Variants in SYN3 observed in about 807,000 individuals in gnomAD.
SYN3 encodes synapsin III, also known as synapsin-3.
SYN3 carries 35 observed loss-of-function variants against 65.8 expected under a neutral mutation model. That is an observed-to-expected ratio of 0.53 (90% confidence interval 0.41 to 0.70). The LOEUF (loss-of-function observed/expected upper bound fraction) is 0.70, where lower values mean the gene tolerates loss of function less well. Among genes scored for constraint, SYN3 ranks in the 30% least tolerant of loss-of-function variants. The probability of loss-of-function intolerance (pLI) is 0.00; values close to 1 mark genes in which losing one functional copy is unlikely to be tolerated. For missense variants in SYN3, 680 were observed against 749.0 expected, an observed-to-expected ratio of 0.91 and a Z score of 1.08; for synonymous variants, 270 against 292.9, an observed-to-expected ratio of 0.92 and a Z score of 0.80.
At chr22:32,568,543 G>C (rs2058703320) in intron 7 of SYN3, among the ~76,000 whole-genome samples, 1 of 152,170 alleles carries the variant, frequency 6.6e-6, no homozygotes, top group African/African-American at 2.4e-5. Flanking sequence ...GAAGTCCAAG[G>C]TCAAGGTGGA....
rs67627471 is a variant in SYN3, at chr22:32,531,806, GAA to G, written c.1095+1985_1095+1986del. Among the ~76,000 whole-genome samples, 136 of 150,240 alleles carry G rather than the reference GAA, an allele frequency of 9.1e-4. 1 individual carries two copies. The highest frequency in any genetic ancestry group is 2.5e-3 in the African/African-American group (103 of 40,702). On this transcript the variant is annotated intron_variant, in intron 10 of 13. Coordinates refer to ENST00000358763, the MANE Select transcript of SYN3 (RefSeq NM_003490.4). ...AACAACTCTGCAATGTTTCTGCGAGGAAAAAAAAAATCTGAAAAGCTATCTTT... is the reference window on the plus strand; with the variant it reads ...AACAACTCTGCAATGTTTCTGCGAGGAAAAAAAATCTGAAAAGCTATCTTT...
intron 6 of SYN3, among the ~76,000 whole-genome samples, chr22:32,634,756 C>T (rs1458390986): frequency 1.3e-5 from 2 of 152,190 alleles, no homozygotes; most frequent in Non-Finnish European, 2.9e-5. Context: ...CTTCCAGGCC[C>T]TTTCAGTGCT....
rs117844331 is a variant in SYN3, at chr22:32,518,879, T to C, written c.1319-545A>G. 6.7e-4 allele frequency among the ~76,000 whole-genome samples: 102 copies of C among 152,270 alleles called. 1 individual carries two copies. In the East Asian group the frequency reaches 0.018, roughly 27 times the overall value. ...CCCTCAATGCAATTCTATTTGGAGA[T>C]AGGATCTTTAAAGAGGTAATTAAAG... On this transcript the variant is annotated intron_variant, in intron 12 of 13. Coordinates refer to ENST00000358763, the MANE Select transcript of SYN3 (RefSeq NM_003490.4).
chr22:32,582,295 G>A (rs1475948868), intron 7 of SYN3, among the ~76,000 whole-genome samples: 1 of 151,730 alleles, frequency 6.6e-6, no homozygotes, highest in Non-Finnish European at 1.5e-5. Context: ...AATCACCTGT[G>A]CATTTTGTTA....
intron 6 of SYN3, among the ~76,000 whole-genome samples, chr22:32,847,584 A>T (rs572627932): frequency 6.6e-6 from 1 of 152,296 alleles, no homozygotes; most frequent in Non-Finnish European, 1.5e-5. Context: ...ATGGATGAGG[A>T]ATCAGTTCTT....
chr22:32,724,047 A>G (rs1288756719), intron 6 of SYN3, among the ~76,000 whole-genome samples: 1 of 152,208 alleles, frequency 6.6e-6, no homozygotes, highest in Non-Finnish European at 1.5e-5. Flanking sequence ...GCTCCTTTCT[A>G]TGCAAGCCCC....
rs186448623 is a variant in SYN3 at position 32,925,029 on chromosome 22, C to T, written c.461+6361G>A. Among the ~76,000 whole-genome samples, 113 of 152,158 alleles carry T rather than the reference C, an allele frequency of 7.4e-4. 1 individual carries two copies. The highest frequency in any genetic ancestry group is 1.4e-3 in the Non-Finnish European group (94 of 68,012). On this transcript the variant is annotated intron_variant, in intron 4 of 13. Coordinates refer to ENST00000358763, the MANE Select transcript of SYN3 (RefSeq NM_003490.4). Reference sequence around the variant, plus strand: ...ACCGCTTGAGCCCAGGAGGTTGAGGCTGCAGTGAGCAGTGATCGCATCACT... The same window carrying T: ...ACCGCTTGAGCCCAGGAGGTTGAGGTTGCAGTGAGCAGTGATCGCATCACT...
chr22:32,521,116 GTAAA>G (rs2146092053), intron 12 of SYN3, among the ~76,000 whole-genome samples: 1 of 152,308 alleles, frequency 6.6e-6, no homozygotes, highest in East Asian at 1.9e-4. Context: ...AACCAGGTAT[GTAAA>G]TAAATAAAGC....
chr22:33,016,444 G>A (rs895679954), intron 1 of SYN3, among the ~76,000 whole-genome samples: 1 of 152,096 alleles, frequency 6.6e-6, no homozygotes, highest in Admixed American at 6.5e-5. Flanking sequence ...GTATCAATTA[G>A]CTTCTTTGAT....
chr22:32,863,889 A>G (rs1364750987), intron 6 of SYN3, among the ~76,000 whole-genome samples: 1 of 152,200 alleles, frequency 6.6e-6, no homozygotes, highest in Non-Finnish European at 1.5e-5. Context: ...GGATGCATAC[A>G]GTAAGAAAAA....
chr22:32,588,766 C>T (rs1384734635), intron 7 of SYN3, among the ~76,000 whole-genome samples: 2 of 152,186 alleles, frequency 1.3e-5, no homozygotes, highest in Non-Finnish European at 2.9e-5. Flanking sequence ...TACCCTGACA[C>T]TATACCAGCG....
At chr22:32,770,635 A>G (rs192711801) in intron 6 of SYN3, among the ~76,000 whole-genome samples, 2 of 151,284 alleles carry the variant, frequency 1.3e-5, no homozygotes, top group East Asian at 3.9e-4. Flanking sequence ...CGTTGGAGAG[A>G]CCCTCCTTAC....
chr22:32,596,793 C>G, intron 6 of SYN3, 57 bp from the exon 7 acceptor site: 2 of 1,543,222 alleles, frequency 1.3e-6, no homozygotes, highest in Admixed American at 1.7e-5. Context: ...CACCAAGGCT[C>G]TGGGTGCTGC....
At chr22:32,670,512 T>C (rs1395206477) in intron 6 of SYN3, among the ~76,000 whole-genome samples, 1 of 152,214 alleles carries the variant, frequency 6.6e-6, no homozygotes, top group African/African-American at 2.4e-5. Context: ...AGAGGGATCC[T>C]CTGCTGTCTT....
At position 32,551,689 on chromosome 22, in the gene SYN3, T is replaced by C. The variant is rs2146301235; in HGVS notation, c.775-9976A>G. ...ATACTAGATGATATTAAAGAATTAT[T>C]ATTATGTTTTTAGGTCTTTGGCTAC... On this transcript the variant is annotated intron_variant, in intron 7 of 13. Transcript: ENST00000358763. 2.0e-5 allele frequency among the ~76,000 whole-genome samples: 3 copies of C among 152,282 alleles called. No homozygotes were observed. The South Asian group carries it at 6.2e-4, about 32-fold the overall frequency.
chr22:32,810,003 TC>T (rs1419177657), intron 6 of SYN3, among the ~76,000 whole-genome samples: 2 of 152,198 alleles, frequency 1.3e-5, no homozygotes, highest in East Asian at 3.9e-4. Context: ...AACTGATGTG[TC>T]CTAGTTGAGG....
chr22:32,778,092 A>C (rs1476770735), intron 6 of SYN3, among the ~76,000 whole-genome samples: 2 of 152,208 alleles, frequency 1.3e-5, no homozygotes, highest in Non-Finnish European at 2.9e-5. Flanking sequence ...CTGGCTGGTG[A>C]AGACACATTA....
chr22:32,955,464 G>T (rs925959050), intron 3 of SYN3, among the ~76,000 whole-genome samples: 3 of 152,066 alleles, frequency 2.0e-5, no homozygotes, highest in African/African-American at 7.2e-5. Flanking sequence ...GGGATGAGGG[G>T]CCCAGGCAAA....
rs556426098 is a variant in SYN3 at position 32,638,678 on chromosome 22, T to C, written c.712-41942A>G. On this transcript the variant is annotated intron_variant, in intron 6 of 13. Coordinates refer to ENST00000358763, the MANE Select transcript of SYN3 (RefSeq NM_003490.4). ...ATGGGGCTATCGGTTTTTTGGTTGT[T>C]CAATTGTTTAAATTCTGTATAGATT... is the stretch of plus-strand genomic sequence containing the variant. 3.2e-4 allele frequency among the ~76,000 whole-genome samples: 48 copies of C among 152,316 alleles called. 1 individual carries two copies. In the Middle Eastern group the frequency reaches 0.01, roughly 32 times the overall value.
Sources: gnomAD v4.1 joint callset for allele counts (sites outside exome capture counted in the v4.1 genomes callset) on GRCh38, gnomAD v4.1.1 for gene constraint, MANE v1.5 for transcripts, NCBI Gene and HGNC (gene_info 2026-07-23, HGNC 2026-07-21) for gene names.